RERG: variants seen among roughly 807,000 people sequenced by gnomAD.
RERG encodes RAS like estrogen regulated growth inhibitor, also known as ras-related and estrogen-regulated growth inhibitor.
In RERG, 25 loss-of-function variants were observed where a neutral mutation model predicts 23.2. That is an observed-to-expected ratio of 1.08 (90% CI 0.79 to 1.50). The LOEUF is 1.50. Among genes scored for constraint, RERG ranks in the 40% most tolerant of loss-of-function variants. The pLI is 0.00. For missense variants in RERG, 253 were observed against 250.1 expected (o/e 1.01, Z -0.08); for synonymous variants, 81 against 89.1 (o/e 0.91, Z 0.51).
intron 2 of RERG, among the ~76,000 whole-genome samples, chr12:15,159,249 G>A (rs1864568985): frequency 6.6e-6 from 1 of 152,158 alleles, no homozygotes; most frequent in South Asian, 2.1e-4. Context: ...ACCAGGGAGA[G>A]TCCTTTCAAG....
Position 15,217,515 on chromosome 12 carries a change from G to C in RERG, c.-26C>G, listed in dbSNP as rs1188470934. ...GATGGGTGTTGGTAGACAATTTACT[G>C]TTGTTAAAACTAAAGCACTGAGTAA... is the stretch of plus-strand genomic sequence containing the variant. On this transcript the variant is annotated 5_prime_UTR_variant, in exon 2 of 5. Coordinates refer to ENST00000256953, the MANE Select transcript of RERG (RefSeq NM_032918.3). The C allele has an allele frequency of 2.6e-6, 4 of 1,562,088 alleles. No homozygotes were observed. The South Asian group carries it at 3.3e-5, about 13-fold the overall frequency.
chr12:15,148,730 C>T (rs1331082388), intron 2 of RERG, among the ~76,000 whole-genome samples: 3 of 151,444 alleles, frequency 2.0e-5, no homozygotes, highest in South Asian at 2.1e-4. Context: ...TTTAAATACT[C>T]GTATATTCCA....
intron 2 of RERG, among the ~76,000 whole-genome samples, chr12:15,132,750 G>C (rs1445734730): frequency 6.6e-6 from 1 of 152,026 alleles, no homozygotes; most frequent in Non-Finnish European, 1.5e-5. Flanking sequence ...CATTCTAATA[G>C]GTGTATTGGT....
At chr12:15,129,433 TCTC>T (rs1457847625) in intron 2 of RERG, among the ~76,000 whole-genome samples, 1 of 152,186 alleles carries the variant, frequency 6.6e-6, no homozygotes, top group Non-Finnish European at 1.5e-5. Context: ...TCCATTTTGA[TCTC>T]CTATCAAATC....
Position 15,126,157 on chromosome 12 carries a change from T to TATATATA in RERG, c.62-5039_62-5038insTATATAT, listed in dbSNP as rs1555120854. Among the ~76,000 whole-genome samples the TATATATA allele has an allele frequency of 7.8e-3, 430 of 55,394 alleles. 11 individuals carry two copies. Among genetic ancestry groups the TATATATA allele is most frequent in the African/African-American group, 0.023 (415 of 18,370 alleles). The allele number at this position is 55,394 out of a possible 152,430, so 36.3% of individuals were successfully genotyped here. On this transcript the variant is annotated intron_variant, in intron 2 of 4. Coordinates refer to ENST00000256953, the MANE Select transcript of RERG (RefSeq NM_032918.3). ...TATATATATATATATATATATGTAT[T>TATATATA]TACACACATACATTTTTACATATAT...
At chr12:15,156,768 C>A (rs1326389386) in intron 2 of RERG, among the ~76,000 whole-genome samples, 1 of 152,158 alleles carries the variant, frequency 6.6e-6, no homozygotes, top group Non-Finnish European at 1.5e-5. Flanking sequence ...TAAAACAAGG[C>A]AGTTTAAGCT....
rs1367064504 is a variant in RERG, at chr12:15,124,200, G to C, written c.62-3081C>G. Among the ~76,000 whole-genome samples, 6 of 152,202 alleles carry C rather than the reference G, an allele frequency of 3.9e-5. No homozygotes were observed. In the East Asian group the frequency reaches 1.2e-3, roughly 29 times the overall value. The stretch of plus-strand genomic sequence containing the variant: ...TCCATTCATAAGTAAGAGCTAAAAG[G>C]TAAAACCACTACATTAAAATAGTCA... On this transcript the variant is annotated intron_variant, in intron 2 of 4. Transcript: ENST00000256953.
In RERG at chr12:15,109,298, T is replaced by C. The variant is rs1863557410; in HGVS notation, c.412A>G (p.Thr138Ala). 3.7e-6 allele frequency: 6 copies of C among 1,614,186 alleles called. No individual in the cohort carries two copies. Among genetic ancestry groups the C allele is most frequent in the Non-Finnish European group, 5.1e-6 (6 of 1,180,030 alleles). The change falls in exon 5 of 5, where the codon ACA (threonine) becomes GCA (alanine). Residue 138 changes from threonine (T) to alanine (A), a missense_variant. Thr to Ala is a moderately conservative substitution (Grantham distance 58). Coordinates refer to ENST00000256953, the MANE Select transcript of RERG (RefSeq NM_032918.3). ...VSTEEGEKLATELACAFYECS... is the reference protein window; with the variant it reads ...VSTEEGEKLAAELACAFYECS... ...TCGTAAAAAGCACAAGCCAATTCTGTGGCCAGCTTCTCTCCTTCTTCTGTG... is the reference window on the plus strand; with the variant it reads ...TCGTAAAAAGCACAAGCCAATTCTGCGGCCAGCTTCTCTCCTTCTTCTGTG...
In RERG at chr12:15,117,675, G is replaced by GCGCGCGCGCA. The variant is rs1555119493; in HGVS notation, c.118+3387_118+3388insTGCGCGCGCG. ...CTCCAAATGCCTCCATCACACACGC[G>GCGCGCGCGCA]CACACACACACACACACACACACAC... On this transcript the variant is annotated intron_variant, in intron 3 of 4. Transcript: ENST00000256953. Among the ~76,000 whole-genome samples the GCGCGCGCGCA allele has an allele frequency of 3.4e-3, 497 of 145,118 alleles. 1 individual carries two copies. Among genetic ancestry groups the GCGCGCGCGCA allele is most frequent in the African/African-American group, 0.013 (478 of 36,348 alleles).
At chr12:15,186,847 C>T (rs1176336021) in intron 2 of RERG, among the ~76,000 whole-genome samples, 2 of 152,122 alleles carry the variant, frequency 1.3e-5, no homozygotes, top group Non-Finnish European at 2.9e-5. Context: ...GAGTCGATGG[C>T]CCTGGGGACA....
intron 2 of RERG, among the ~76,000 whole-genome samples, chr12:15,134,760 A>C (rs1591641477): frequency 6.6e-6 from 1 of 152,012 alleles, no homozygotes; most frequent in Non-Finnish European, 1.5e-5. Context: ...GATTATAAGC[A>C]TGCACCACCA....
chr12:15,115,361 C>T lies in RERG; in HGVS notation c.119-3944G>A, dbSNP rs180818347. 9.9e-5 allele frequency among the ~76,000 whole-genome samples: 15 copies of T among 151,984 alleles called. No individual in the cohort carries two copies. The East Asian group carries it at 1.2e-3, about 12-fold the overall frequency. ...TCACACAGATAATAAATGGTAGAGG[C>T]GAGATTTGAGTCAGGGAAGACCAGC... On this transcript the variant is annotated intron_variant, in intron 3 of 4. Transcript: ENST00000256953.
intron 2 of RERG, among the ~76,000 whole-genome samples, chr12:15,141,078 G>A (rs1024630650): frequency 1.3e-5 from 2 of 151,334 alleles, no homozygotes; most frequent in Non-Finnish European, 2.9e-5. Flanking sequence ...ACCCAGTGTG[G>A]AGAGTGTTCA....
At chr12:15,168,290 A>G (rs539036410) in intron 2 of RERG, among the ~76,000 whole-genome samples, 1 of 152,228 alleles carries the variant, frequency 6.6e-6, no homozygotes, top group African/African-American at 2.4e-5. Flanking sequence ...GGTCTGCCTT[A>G]TTAGCAGGAG....
At chr12:15,119,258 A>T (rs1441689379) in intron 3 of RERG, among the ~76,000 whole-genome samples, 1 of 152,214 alleles carries the variant, frequency 6.6e-6, no homozygotes, top group Non-Finnish European at 1.5e-5. Flanking sequence ...CGCACTATAC[A>T]TAACTGATGC....
In RERG at chr12:15,199,039, C is replaced by A. The variant is rs192168975; in HGVS notation, c.61+18390G>T. 3.2e-4 allele frequency among the ~76,000 whole-genome samples: 48 copies of A among 152,242 alleles called. 2 individuals are homozygous for A. The highest frequency in any genetic ancestry group is 1.1e-3 in the African/African-American group (47 of 41,562). On this transcript the variant is annotated intron_variant, in intron 2 of 4. Coordinates refer to ENST00000256953, the MANE Select transcript of RERG (RefSeq NM_032918.3). ...AACATCTCTGGAGGTCATTATTCTG[C>A]CTATCACAGTCTTCTCTCTGGTCCC...
chr12:15,138,529 A>C lies in RERG; in HGVS notation c.62-17410T>G, dbSNP rs1021463097. On this transcript the variant is annotated intron_variant, in intron 2 of 4. Coordinates refer to ENST00000256953, the MANE Select transcript of RERG (RefSeq NM_032918.3). ...TCTTCATTTCTTTTATAGACATTTT[A>C]ATATCTAGCATTTCTTTAGAGGTCT... is the stretch of plus-strand genomic sequence containing the variant. Among the ~76,000 whole-genome samples the C allele has an allele frequency of 2.0e-5, 3 of 152,140 alleles. No homozygotes were observed. In the Middle Eastern group the frequency reaches 0.01, roughly 517 times the overall value.
At chr12:15,152,729 C>A (rs1864462843) in intron 2 of RERG, among the ~76,000 whole-genome samples, 4 of 152,002 alleles carry the variant, frequency 2.6e-5, no homozygotes, top group South Asian at 2.1e-4. Flanking sequence ...AAAAGTTAAC[C>A]TTCACATGGT....
chr12:15,154,194 G>A (rs752034442), intron 2 of RERG: 11 of 152,178 alleles, frequency 7.2e-5, no homozygotes, highest in Middle Eastern at 6.3e-3. Flanking sequence ...TAGCAAACTA[G>A]TACAGTTATA....
Sources: gnomAD v4.1 joint callset for allele counts (sites outside exome capture counted in the v4.1 genomes callset) on GRCh38, gnomAD v4.1.1 for gene constraint, MANE v1.5 for transcripts, NCBI Gene and HGNC (gene_info 2026-07-23, HGNC 2026-07-21) for gene names.